NCAPD3: variants seen among roughly 807,000 people sequenced by gnomAD.
The protein encoded by NCAPD3 is non-SMC condensin II complex subunit D3, also known as condensin-2 complex subunit D3.
NCAPD3 carries 105 observed loss-of-function variants against 182.9 expected under a neutral mutation model. That is an observed-to-expected ratio of 0.57 (90% CI 0.49 to 0.68). The LOEUF (loss-of-function observed/expected upper bound fraction) is 0.68. Ranked by LOEUF, NCAPD3 falls within the 30% of genes least tolerant of loss-of-function variation. The pLI is 0.00. For synonymous variants in NCAPD3, 815 were observed against 679.9 expected, an observed-to-expected ratio of 1.20 and a Z score of -3.09; for missense variants, 1,944 against 1,837.0, an observed-to-expected ratio of 1.06 and a Z score of -1.07.
At position 134,178,710 on chromosome 11, in the gene NCAPD3, T is replaced by C. The variant is rs370826455; in HGVS notation, c.2706A>G (p.Pro902=). 6.2e-7 allele frequency: 1 copy of C among 1,605,106 alleles called. No individual in the cohort carries two copies. Among genetic ancestry groups the C allele is most frequent in the Non-Finnish European group, 8.5e-7 (1 of 1,174,332 alleles). The stretch of plus-strand genomic sequence containing the variant: ...TGACCTGGGGGGGTGGCTGAGACGC[T>C]GGGGCCTCACTGCTGCCTTGAGATG... ...SPSSQGSSEA[P]ASQPPPQVRG... The change falls in exon 22 of 35, where the codon CCA becomes CCG. Residue 902 remains proline, a synonymous_variant. Coordinates refer to ENST00000534548, the MANE Select transcript of NCAPD3 (RefSeq NM_015261.3).
At chr11:134,176,495 A>T in intron 23 of NCAPD3, 109 bp from the exon 24 acceptor site, 2 of 842,656 alleles carry the variant, frequency 2.4e-6, no homozygotes, top group Non-Finnish European at 2.0e-6. Context: ...ACACTGGCTG[A>T]GTGCACAGGC....
intron 27 of NCAPD3, 129 bp from the exon 28 acceptor site, chr11:134,162,020 T>C (rs1451440632): frequency 1.8e-6 from 1 of 570,104 alleles, no homozygotes; most frequent in Non-Finnish European, 3.0e-6. Context: ...TTCATTATGA[T>C]ACTGGATGTA....
chr11:134,178,775 C>T (rs752943219), intron 21 of NCAPD3, 34 bp from the exon 22 acceptor site: 52 of 1,608,496 alleles, frequency 3.2e-5, no homozygotes, highest in Non-Finnish European at 4.4e-5. Flanking sequence ...ACCGACAGAA[C>T]CTTGAAACGG....
chr11:134,169,395 G>A (rs570003181), intron 24 of NCAPD3, among the ~76,000 whole-genome samples: 14 of 152,334 alleles, frequency 9.2e-5, no homozygotes, highest in South Asian at 2.1e-4. Flanking sequence ...GAGGCCAGTG[G>A]TCTTATAAGA....
At chr11:134,211,787 T>G (rs929379384) in intron 3 of NCAPD3, among the ~76,000 whole-genome samples, 14 of 152,052 alleles carry the variant, frequency 9.2e-5, no homozygotes, top group Admixed American at 4.6e-4. Context: ...TGGTTATTAC[T>G]GAAACAAAGA....
rs533028109 is a variant in NCAPD3 at position 134,211,133 on chromosome 11, T to C, written c.383-679A>G. 9.2e-5 allele frequency among the ~76,000 whole-genome samples: 14 copies of C among 152,322 alleles called. No homozygotes were observed. In the South Asian group the frequency reaches 2.9e-3, roughly 32 times the overall value. On this transcript the variant is annotated intron_variant, in intron 3 of 34. Transcript: ENST00000534548. ...GCCAGCCAGAGTGGAGTGATCTTGT[T>C]AAACACCTAGAGCATTCAGTAGAGA...
At chr11:134,188,060 G>A (rs1944447357) in intron 16 of NCAPD3, among the ~76,000 whole-genome samples, 1 of 152,150 alleles carries the variant, frequency 6.6e-6, no homozygotes, top group Admixed American at 6.5e-5. Flanking sequence ...TGGACTTCCT[G>A]GGTCAAGTGG....
In NCAPD3 at chr11:134,203,884, A is replaced by G. The variant is rs745330965; in HGVS notation, c.1238T>C (p.Leu413Pro). ...TTCTAACAGAGCTAAGACAACATCAAGAGTAAAAACCCGGTGTGGGATCTG... is the reference window on the plus strand; with the variant it reads ...TTCTAACAGAGCTAAGACAACATCAGGAGTAAAAACCCGGTGTGGGATCTG... Reference protein sequence around the residue: ...SSKIPHRVFTLDVVLALLELP... With the variant: ...SSKIPHRVFTPDVVLALLELP... The change falls in exon 11 of 35, where the codon CTT becomes CCT. Residue 413 changes from leucine (L) to proline (P), a missense_variant. Coordinates refer to ENST00000534548, the MANE Select transcript of NCAPD3 (RefSeq NM_015261.3). The G allele has an allele frequency of 6.2e-7, 1 of 1,614,050 alleles. No homozygotes were observed. The highest frequency in any genetic ancestry group is 8.5e-7 in the Non-Finnish European group (1 of 1,179,902).
At chr11:134,169,395 G>T (rs570003181) in intron 24 of NCAPD3, among the ~76,000 whole-genome samples, 1 of 152,216 alleles carries the variant, frequency 6.6e-6, no homozygotes, top group Non-Finnish European at 1.5e-5. Context: ...GAGGCCAGTG[G>T]TCTTATAAGA....
Position 134,178,831 on chromosome 11 carries a change from C to A in NCAPD3, c.2665G>T (p.Ala889Ser). The stretch of plus-strand genomic sequence containing the variant: ...ATTTCAAATGCCTTACAGTGGTCAG[C>A]ATCAGCAGACGAAGCCAGGACGGAC... ...IQSVLASSAD[A>S]DHSPSSQGSS... The change falls in exon 21 of 35, where the codon GCT (alanine) becomes TCT (serine). Residue 889 changes from alanine to serine, a missense_variant. Ala to Ser is a moderately conservative substitution (Grantham distance 99). Transcript: ENST00000534548. The A allele has an allele frequency of 6.2e-7, 1 of 1,614,104 alleles. No individual in the cohort carries two copies. The highest frequency in any genetic ancestry group is 8.5e-7 in the Non-Finnish European group (1 of 1,179,958).
intron 3 of NCAPD3, among the ~76,000 whole-genome samples, chr11:134,213,678 T>C (rs978642487): frequency 3.3e-5 from 5 of 150,084 alleles, no homozygotes; most frequent in Middle Eastern, 3.5e-3. Context: ...ACAGGCAGTC[T>C]ACAAGAAAAC....
chr11:134,158,235 T>C (rs979463720), intron 30 of NCAPD3, 94 bp downstream of exon 30: 2 of 1,553,680 alleles, frequency 1.3e-6, no homozygotes, highest in East Asian at 2.3e-5. Flanking sequence ...ACAATGACAA[T>C]GACTTTCCTG....
At position 134,178,936 on chromosome 11, in the gene NCAPD3, C is replaced by A; in HGVS notation, c.2560G>T (p.Val854Leu). The part of the protein sequence containing the change: ...GTGNMDEDLL[V>L]KYIFTLGDIA... ...TCCCCTAAGGTAAAAATGTACTTCACCTACAAAGATAATTGGTTTTACAGT... is the reference window on the plus strand; with the variant it reads ...TCCCCTAAGGTAAAAATGTACTTCAACTACAAAGATAATTGGTTTTACAGT... Residue 854 changes from valine to leucine, a missense_variant and splice_region_variant, in exon 21 of 35, where the codon GTG becomes TTG. Val to Leu is a conservative substitution (Grantham distance 32). Around this residue, in one of 3 missense-constraint regions of NCAPD3, gnomAD observed 1,803 missense variants for 1,674.6 expected, o/e 1.08. Coordinates refer to ENST00000534548, the MANE Select transcript of NCAPD3 (RefSeq NM_015261.3). The A allele has an allele frequency of 6.2e-7, 1 of 1,605,642 alleles. No homozygotes were observed. Among genetic ancestry groups the A allele is most frequent in the Non-Finnish European group, 8.5e-7 (1 of 1,172,562 alleles).
At chr11:134,199,000 C>G (rs1944692820) in intron 13 of NCAPD3, among the ~76,000 whole-genome samples, 1 of 152,122 alleles carries the variant, frequency 6.6e-6, no homozygotes, top group Non-Finnish European at 1.5e-5. Flanking sequence ...AACAAACGAA[C>G]ATGGCAACAC....
chr11:134,180,463 T>A (rs1179940829), intron 20 of NCAPD3, among the ~76,000 whole-genome samples: 1 of 138,408 alleles, frequency 7.2e-6, no homozygotes, highest in African/African-American at 2.7e-5. Context: ...ATTACTGCCA[T>A]ACATCTTATC....
At chr11:134,163,849 G>A (rs1340534542) in intron 27 of NCAPD3, among the ~76,000 whole-genome samples, 1 of 142,152 alleles carries the variant, frequency 7.0e-6, no homozygotes, top group Non-Finnish European at 1.5e-5. Flanking sequence ...TCCAGCCTGG[G>A]CGACGCAGTG....
intron 27 of NCAPD3, among the ~76,000 whole-genome samples, chr11:134,164,162 G>A (rs1003257219): frequency 3.9e-5 from 6 of 152,178 alleles, no homozygotes; most frequent in African/African-American, 1.4e-4. Flanking sequence ...CAGGCCTGCA[G>A]AGGCCTGTGG....
intron 27 of NCAPD3, among the ~76,000 whole-genome samples, chr11:134,167,758 C>A (rs1326672450): frequency 3.8e-5 from 5 of 130,280 alleles, no homozygotes; most frequent in Non-Finnish European, 7.8e-5. Context: ...GGGAGAGCAG[C>A]ACACTCACTT....
chr11:134,167,631 C>T (rs1246887311), intron 27 of NCAPD3, among the ~76,000 whole-genome samples: 1 of 129,394 alleles, frequency 7.7e-6, no homozygotes, highest in Admixed American at 7.9e-5. Flanking sequence ...GGGAGGGGCA[C>T]ACTAGTGAGA....
Sources: allele counts gnomAD v4.1 joint callset (sites outside exome capture counted in the v4.1 genomes callset), GRCh38; gene constraint gnomAD v4.1.1; regional missense constraint gnomAD v4.1.1; transcripts MANE v1.5; gene names NCBI Gene and HGNC (gene_info 2026-07-23, HGNC 2026-07-21).